The following COX7B2 variants were observed in gnomAD, a reference collection of about 807,000 sequenced individuals.
COX7B2 encodes the protein cytochrome c oxidase subunit 7B2.
For missense variants in COX7B2, 109 were observed against 95.9 expected, an observed-to-expected ratio of 1.14 and a Z score of -0.57; for synonymous variants, 37 against 32.1, an observed-to-expected ratio of 1.15 and a Z score of -0.51.
At chr4:46,869,349 G>C (rs930996932) in intron 1 of COX7B2, among the ~76,000 whole-genome samples, 1 of 151,978 alleles carries the variant, frequency 6.6e-6, no homozygotes, top group Non-Finnish European at 1.5e-5. Context: ...TCTTTTAAGT[G>C]GTGCATTTAG....
chr4:46,835,348 C>T (rs764942957), intron 2 of COX7B2, among the ~76,000 whole-genome samples: 10 of 151,810 alleles, frequency 6.6e-5, no homozygotes, highest in East Asian at 1.9e-4. Context: ...TTCTCTAGTG[C>T]GTAAACATCC....
intron 1 of COX7B2, among the ~76,000 whole-genome samples, chr4:46,907,016 C>G (rs1440551638): frequency 6.6e-6 from 1 of 152,184 alleles, no homozygotes; most frequent in Middle Eastern, 3.2e-3. Context: ...CTTAGTTCTG[C>G]CTTTAACGTC....
chr4:46,753,492 G>A (rs1715539055), intron 2 of COX7B2, among the ~76,000 whole-genome samples: 1 of 151,320 alleles, frequency 6.6e-6, no homozygotes, highest in African/African-American at 2.4e-5. Flanking sequence ...AATGGTGCTG[G>A]GAAAACTGGC....
At chr4:46,804,058 G>A (rs1179938369) in intron 2 of COX7B2, among the ~76,000 whole-genome samples, 2 of 151,968 alleles carry the variant, frequency 1.3e-5, no homozygotes, top group Non-Finnish European at 2.9e-5. Context: ...TCTTTTTTCT[G>A]GTGGGTTCGT....
intron 2 of COX7B2, among the ~76,000 whole-genome samples, chr4:46,766,586 C>T (rs952829747): frequency 3.3e-5 from 5 of 151,674 alleles, no homozygotes; most frequent in Admixed American, 1.3e-4. Context: ...CCTGTAATCC[C>T]GGCTACTTGG....
At chr4:46,905,930 C>T (rs1177212703) in intron 1 of COX7B2, among the ~76,000 whole-genome samples, 3 of 145,196 alleles carry the variant, frequency 2.1e-5, no homozygotes, top group Non-Finnish European at 3.0e-5. Flanking sequence ...CCCGGGTTCA[C>T]GCCATTCTCC....
intron 2 of COX7B2, among the ~76,000 whole-genome samples, chr4:46,826,875 G>C (rs759742914): frequency 6.6e-6 from 1 of 152,096 alleles, no homozygotes; most frequent in African/African-American, 2.4e-5. Context: ...TGGAGGGATG[G>C]AGGAGGGAGA....
intron 2 of COX7B2, among the ~76,000 whole-genome samples, chr4:46,820,835 ATATAT>A (rs1216016462): frequency 2.2e-5 from 3 of 135,894 alleles, no homozygotes; most frequent in Admixed American, 7.7e-5. Context: ...AAAAAAAAAA[ATATAT>A]ATATATATAT....
chr4:46,855,191 G>T (rs895590137), intron 1 of COX7B2, among the ~76,000 whole-genome samples: 3 of 152,052 alleles, frequency 2.0e-5, no homozygotes, highest in Non-Finnish European at 4.4e-5. Flanking sequence ...GCCAGGCATG[G>T]TGGCACACAC....
intron 2 of COX7B2, among the ~76,000 whole-genome samples, chr4:46,836,927 A>G (rs1715552996): frequency 6.6e-6 from 1 of 152,148 alleles, no homozygotes; most frequent in Admixed American, 6.6e-5. Context: ...CCCTTAATTG[A>G]AACATCGTTA....
chr4:46,838,888 T>G (rs566299820), intron 2 of COX7B2, among the ~76,000 whole-genome samples: 1 of 152,120 alleles, frequency 6.6e-6, no homozygotes, highest in Admixed American at 6.6e-5. Context: ...TGGAACTTTT[T>G]TTTTTTTAAT....
intron 2 of COX7B2, among the ~76,000 whole-genome samples, chr4:46,839,402 C>T (rs971544737): frequency 1.3e-5 from 2 of 152,026 alleles, no homozygotes; most frequent in African/African-American, 4.8e-5. Flanking sequence ...TCCTTCTCCA[C>T]AGATTGCTTT....
chr4:46,750,887 C>G (rs1229771580), intron 2 of COX7B2, among the ~76,000 whole-genome samples: 1 of 152,090 alleles, frequency 6.6e-6, no homozygotes, highest in Non-Finnish European at 1.5e-5. Context: ...AGGGATGCAC[C>G]CTTATAACCT....
chr4:46,779,765 TAA>T (rs74987818), intron 2 of COX7B2, among the ~76,000 whole-genome samples: 3 of 144,072 alleles, frequency 2.1e-5, no homozygotes, highest in Non-Finnish European at 3.1e-5. Context: ...ATAAAAAAAT[TAA>T]AAAAAAAAAA....
intron 2 of COX7B2, among the ~76,000 whole-genome samples, chr4:46,780,226 AC>A (rs575299999): frequency 4.8e-4 from 73 of 152,216 alleles, no homozygotes; most frequent in Non-Finnish European, 4.6e-4. Context: ...CAAAGTCTAA[AC>A]CCCTGCTGGC....
chr4:46,870,909 G>T (rs1270323434), intron 1 of COX7B2, among the ~76,000 whole-genome samples: 1 of 151,574 alleles, frequency 6.6e-6, no homozygotes, highest in Non-Finnish European at 1.5e-5. Context: ...TGACCATACT[G>T]CCCAAAGAAA....
chr4:46,768,087 T>G (rs998009528), intron 2 of COX7B2, among the ~76,000 whole-genome samples: 3 of 152,244 alleles, frequency 2.0e-5, no homozygotes, highest in African/African-American at 7.2e-5. Flanking sequence ...TCTTTAACAT[T>G]GCTGTCCACG....
At chr4:46,766,502 C>T (rs1716545938) in intron 2 of COX7B2, among the ~76,000 whole-genome samples, 2 of 151,778 alleles carry the variant, frequency 1.3e-5, no homozygotes, top group Admixed American at 1.3e-4. Context: ...GAGTTTGAGA[C>T]CAGCCTGGCT....
At chr4:46,865,846 G>C (rs886086331) in intron 1 of COX7B2, among the ~76,000 whole-genome samples, 1 of 152,106 alleles carries the variant, frequency 6.6e-6, no homozygotes, top group African/African-American at 2.4e-5. Context: ...AAAATCTCAC[G>C]ACCATGTCTC....
Sources: allele counts gnomAD v4.1 joint callset (sites outside exome capture counted in the v4.1 genomes callset), GRCh38; gene constraint gnomAD v4.1.1; transcripts MANE v1.5; gene names NCBI Gene and HGNC (gene_info 2026-07-23, HGNC 2026-07-21).